PRR5L: variants seen among roughly 807,000 people sequenced by gnomAD.
The protein encoded by PRR5L is proline-rich protein 5-like.
A neutral mutation model predicts 36.4 loss-of-function variants in PRR5L; 21 were observed. The observed-to-expected ratio is 0.58, with a 90% confidence interval of 0.41 to 0.83. PRR5L has a LOEUF of 0.83. Among genes scored for constraint, PRR5L ranks in the 40% least tolerant of loss-of-function variants. The pLI, the probability that PRR5L is intolerant of heterozygous loss-of-function variation, is 0.00. For missense variants in PRR5L, 381 were observed against 473.3 expected, an observed-to-expected ratio of 0.80 and a Z score of 1.81; for synonymous variants, 188 against 197.0, an observed-to-expected ratio of 0.95 and a Z score of 0.38.
intron 1 of PRR5L, among the ~76,000 whole-genome samples, chr11:36,372,628 T>A (rs1049195473): frequency 6.6e-6 from 1 of 152,088 alleles, no homozygotes; most frequent in Non-Finnish European, 1.5e-5. Context: ...ATCAGACTGG[T>A]AACAAGAGAA....
chr11:36,428,128 C>G (rs775748436), intron 4 of PRR5L, among the ~76,000 whole-genome samples: 8 of 152,300 alleles, frequency 5.3e-5, no homozygotes, highest in Non-Finnish European at 1.2e-4. Flanking sequence ...AGGCCTCCAC[C>G]AACATGACTC....
intron 1 of PRR5L, among the ~76,000 whole-genome samples, chr11:36,326,932 G>A (rs1056667503): frequency 2.0e-5 from 3 of 152,170 alleles, no homozygotes; most frequent in Admixed American, 6.5e-5. Flanking sequence ...AGCTGGAGAT[G>A]AAACAGGAGG....
At chr11:36,296,962 A>G (rs965496279) in intron 1 of PRR5L, among the ~76,000 whole-genome samples, 6 of 152,104 alleles carry the variant, frequency 3.9e-5, no homozygotes, top group Non-Finnish European at 5.9e-5. Flanking sequence ...TCATCACAAT[A>G]TTTCACTTTG....
intron 1 of PRR5L, 132 bp downstream of exon 1, chr11:36,296,570 TTAAA>T (rs1439958240): frequency 6.6e-6 from 1 of 152,204 alleles, no homozygotes; most frequent in South Asian, 2.1e-4. Context: ...CCATCTGCTG[TTAAA>T]TAAATAATGA....
chr11:36,331,347 A>C (rs1856716826), intron 1 of PRR5L, among the ~76,000 whole-genome samples: 1 of 152,224 alleles, frequency 6.6e-6, no homozygotes, highest in African/African-American at 2.4e-5. Flanking sequence ...TGAAGTTAAG[A>C]AGAATTCATT....
At chr11:36,322,654 A>G (rs1006981963) in intron 1 of PRR5L, among the ~76,000 whole-genome samples, 1 of 152,176 alleles carries the variant, frequency 6.6e-6, no homozygotes, top group African/African-American at 2.4e-5. Flanking sequence ...TGGGACACCA[A>G]AGATAAGTTA....
intron 1 of PRR5L, among the ~76,000 whole-genome samples, chr11:36,307,908 A>C (rs1856452110): frequency 6.6e-6 from 1 of 152,226 alleles, no homozygotes; most frequent in South Asian, 2.1e-4. Flanking sequence ...TGGAATGATG[A>C]AATTTTTCTT....
chr11:36,310,751 C>T (rs995256417), intron 1 of PRR5L, among the ~76,000 whole-genome samples: 2 of 152,052 alleles, frequency 1.3e-5, no homozygotes, highest in African/African-American at 4.8e-5. Context: ...GTAATCGCAG[C>T]ACTTTGGGGG....
In PRR5L at chr11:36,401,302, G is replaced by C. The variant is rs1294276411; in HGVS notation, c.164+17G>C. 6.2e-7 allele frequency: 1 copy of C among 1,606,876 alleles called. No individual in the cohort carries two copies. The highest frequency in any genetic ancestry group is 1.7e-5 in the Admixed American group (1 of 59,974). On this transcript the variant is annotated intron_variant, in intron 2 of 8. Coordinates refer to ENST00000530639, the MANE Select transcript of PRR5L (RefSeq NM_001160167.2). ...CTGGAACAGGTGAAGGAGGCTGCAGGATGTGGGGTGGAGGGCTGCCAAGGG... is the reference window on the plus strand; with the variant it reads ...CTGGAACAGGTGAAGGAGGCTGCAGCATGTGGGGTGGAGGGCTGCCAAGGG...
intron 1 of PRR5L, among the ~76,000 whole-genome samples, chr11:36,315,219 G>A (rs1396333277): frequency 2.6e-5 from 4 of 152,058 alleles, no homozygotes; most frequent in African/African-American, 9.7e-5. Flanking sequence ...TATGACTGTC[G>A]GGGAGATGAA....
intron 1 of PRR5L, among the ~76,000 whole-genome samples, chr11:36,365,798 T>C (rs1857138501): frequency 6.6e-6 from 1 of 152,186 alleles, no homozygotes; most frequent in African/African-American, 2.4e-5. Flanking sequence ...GATGGGCCAG[T>C]CTGTGTTATT....
chr11:36,380,588 G>A (rs1857351402), intron 1 of PRR5L: 4 of 152,242 alleles, frequency 2.6e-5, no homozygotes, highest in South Asian at 2.1e-4. Flanking sequence ...AAAAAGCAAA[G>A]GTTAGTGATT....
intron 1 of PRR5L, among the ~76,000 whole-genome samples, chr11:36,324,749 C>T (rs2133466865): frequency 6.6e-6 from 1 of 152,124 alleles, no homozygotes; most frequent in South Asian, 2.1e-4. Context: ...GAATTTTAGA[C>T]AATACTGAAA....
chr11:36,325,010 A>G (rs12281666), intron 1 of PRR5L, among the ~76,000 whole-genome samples: 1 of 152,164 alleles, frequency 6.6e-6, no homozygotes, highest in African/African-American at 2.4e-5. Context: ...AGAGCTCCCA[A>G]GATGATGGTG....
At chr11:36,313,730 G>C (rs192620502) in intron 1 of PRR5L, among the ~76,000 whole-genome samples, 1 of 152,194 alleles carries the variant, frequency 6.6e-6, no homozygotes, top group South Asian at 2.1e-4. Flanking sequence ...GATTGACCTT[G>C]TCTGCATTGC....
At chr11:36,307,043 T>G (rs1002508653) in intron 1 of PRR5L, among the ~76,000 whole-genome samples, 1 of 152,110 alleles carries the variant, frequency 6.6e-6, no homozygotes, top group Non-Finnish European at 1.5e-5. Flanking sequence ...ATTGTGATGG[T>G]TTTTGTTGTA....
chr11:36,456,963 C>A (rs1859072234), intron 8 of PRR5L, among the ~76,000 whole-genome samples: 1 of 152,294 alleles, frequency 6.6e-6, no homozygotes, highest in Admixed American at 6.5e-5. Flanking sequence ...TTGTGGTCTC[C>A]TCCTCCAGGG....
chr11:36,330,653 A>G (rs936649298), intron 1 of PRR5L, among the ~76,000 whole-genome samples: 1 of 152,232 alleles, frequency 6.6e-6, no homozygotes. Context: ...GGCTGTGGTT[A>G]AAGGTATGAT....
At chr11:36,403,476 T>G in intron 3 of PRR5L, 98 bp downstream of exon 3, 1 of 862,964 alleles carries the variant, frequency 1.2e-6, no homozygotes, top group Non-Finnish European at 1.8e-6. Flanking sequence ...TTTTTTTTTT[T>G]TTTCCTGCTT....
Sources: gnomAD v4.1 joint callset for allele counts (sites outside exome capture counted in the v4.1 genomes callset) on GRCh38, gnomAD v4.1.1 for gene constraint, MANE v1.5 for transcripts, NCBI Gene and HGNC (gene_info 2026-07-23, HGNC 2026-07-21) for gene names.